NBEA: variants seen among roughly 807,000 people sequenced by gnomAD.
NBEA encodes lysosomal-trafficking regulator 2.
A neutral mutation model predicts 343.4 loss-of-function variants in NBEA; 44 were observed. The observed-to-expected ratio is 0.13, with a 90% CI of 0.10 to 0.16. NBEA has a LOEUF of 0.16. NBEA is among the 10% of genes least tolerant of loss of function. NBEA has a pLI of 1.00. For missense variants in NBEA, 2,555 were observed against 3,631.3 expected (o/e 0.70, Z 7.62); for synonymous variants, 1,175 against 1,238.7 (o/e 0.95, Z 1.08).
At chr13:35,635,943 C>T (rs952916306) in intron 49 of NBEA, among the ~76,000 whole-genome samples, 2 of 152,150 alleles carry the variant, frequency 1.3e-5, no homozygotes, top group South Asian at 2.1e-4. Context: ...CTTCTTTCTT[C>T]GCTTTGTGTT....
intron 46 of NBEA, among the ~76,000 whole-genome samples, chr13:35,587,967 C>G (rs1002869179): frequency 6.6e-6 from 1 of 151,920 alleles, no homozygotes; most frequent in Non-Finnish European, 1.5e-5. Context: ...AAAAAAGAAA[C>G]AGGTAAAATT....
chr13:35,315,308 C>A (rs575093048), intron 36 of NBEA, among the ~76,000 whole-genome samples: 1 of 152,188 alleles, frequency 6.6e-6, no homozygotes, highest in African/African-American at 2.4e-5. Context: ...AGGACAAAAA[C>A]AGTTGATAAA....
chr13:35,032,812 A>T (rs888096504), intron 1 of NBEA, among the ~76,000 whole-genome samples: 3 of 151,768 alleles, frequency 2.0e-5, no homozygotes, highest in African/African-American at 7.2e-5. Context: ...TCTTTTGAGA[A>T]ATTGCTATTT....
chr13:35,534,095 A>T (rs1157252936), intron 41 of NBEA, among the ~76,000 whole-genome samples: 3 of 152,132 alleles, frequency 2.0e-5, no homozygotes, highest in Admixed American at 2.0e-4. Flanking sequence ...TGTTTATGTG[A>T]GTGATAACAA....
chr13:35,208,597 G>A, intron 31 of NBEA, 103 bp from the exon 32 acceptor site: 1 of 1,049,912 alleles, frequency 9.5e-7, no homozygotes, highest in Non-Finnish European at 1.3e-6. Context: ...ATTAAAAGAA[G>A]AGAGGGAGAA....
At chr13:35,300,258 A>T (rs2036450671) in intron 35 of NBEA, among the ~76,000 whole-genome samples, 1 of 152,166 alleles carries the variant, frequency 6.6e-6, no homozygotes, top group Non-Finnish European at 1.5e-5. Flanking sequence ...CGGGATGTGG[A>T]GGTTGCAGTG....
At chr13:35,433,308 A>G (rs1054964831) in intron 39 of NBEA, among the ~76,000 whole-genome samples, 1 of 152,124 alleles carries the variant, frequency 6.6e-6, no homozygotes, top group Non-Finnish European at 1.5e-5. Flanking sequence ...AGGAAATACC[A>G]GTAATGAACA....
chr13:35,180,687 T>C (rs2071252786), intron 28 of NBEA, among the ~76,000 whole-genome samples: 2 of 151,782 alleles, frequency 1.3e-5, no homozygotes, highest in African/African-American at 4.8e-5. Context: ...ATGTTCTATT[T>C]CCATAGGTTT....
At chr13:35,042,982 A>G (rs2062709732) in intron 2 of NBEA, among the ~76,000 whole-genome samples, 1 of 151,810 alleles carries the variant, frequency 6.6e-6, no homozygotes, top group African/African-American at 2.4e-5. Context: ...TAACAAATTG[A>G]TGAGAAAATT....
intron 12 of NBEA, among the ~76,000 whole-genome samples, chr13:35,109,890 C>A (rs1431352668): frequency 6.6e-6 from 1 of 151,420 alleles, no homozygotes; most frequent in Non-Finnish European, 1.5e-5. Flanking sequence ...ACAGAAAATT[C>A]TTATTGTTTT....
chr13:35,248,828 G>A (rs1763842855), intron 34 of NBEA, among the ~76,000 whole-genome samples: 1 of 152,126 alleles, frequency 6.6e-6, no homozygotes, highest in Non-Finnish European at 1.5e-5. Flanking sequence ...ACCCAAAACT[G>A]TAAAACGCTT....
At chr13:35,374,727 A>G (rs561588238) in intron 38 of NBEA, among the ~76,000 whole-genome samples, 16 of 152,190 alleles carry the variant, frequency 1.1e-4, no homozygotes, top group Non-Finnish European at 2.4e-4. Flanking sequence ...TTAAATATAT[A>G]CAGTATTATA....
At chr13:35,060,858 AGGGCTACAGT>A (rs2063443384) in intron 8 of NBEA, among the ~76,000 whole-genome samples, 1 of 151,712 alleles carries the variant, frequency 6.6e-6, no homozygotes, top group Non-Finnish European at 1.5e-5. Flanking sequence ...GAAGGGGTAG[AGGGCTACAGT>A]GGAATTTTTA....
intron 48 of NBEA, among the ~76,000 whole-genome samples, chr13:35,617,625 G>A (rs566056858): frequency 9.8e-5 from 15 of 152,286 alleles, no homozygotes; most frequent in Middle Eastern, 3.4e-3. Context: ...AAGACATCTC[G>A]TGAAATGTGG....
intron 44 of NBEA, among the ~76,000 whole-genome samples, chr13:35,566,152 G>A (rs2080126535): frequency 6.6e-6 from 1 of 152,144 alleles, no homozygotes; most frequent in Non-Finnish European, 1.5e-5. Flanking sequence ...CACAAGGTCA[G>A]GAGTTGGAGA....
intron 48 of NBEA, among the ~76,000 whole-genome samples, chr13:35,610,253 G>T (rs2082446123): frequency 6.6e-6 from 1 of 152,062 alleles, no homozygotes; most frequent in Admixed American, 6.6e-5. Flanking sequence ...TTAGTCAGGT[G>T]TGGTGACACA....
chr13:35,300,838 TTTTC>T (rs1396593179), intron 35 of NBEA, among the ~76,000 whole-genome samples: 1 of 152,158 alleles, frequency 6.6e-6, no homozygotes, highest in Non-Finnish European at 1.5e-5. Context: ...TAGGATACAT[TTTTC>T]TTCTCATTCC....
chr13:35,514,892 A>C (rs1024113925), intron 41 of NBEA, among the ~76,000 whole-genome samples: 2 of 152,108 alleles, frequency 1.3e-5, no homozygotes, highest in African/African-American at 4.8e-5. Context: ...GCATGACAAA[A>C]ACCTGTGTTA....
chr13:35,411,647 TTTGTTG>T (rs145728162), intron 38 of NBEA, among the ~76,000 whole-genome samples: 23 of 148,642 alleles, frequency 1.5e-4, no homozygotes, highest in African/African-American at 4.3e-4. Context: ...TGTTTTTTGT[TTTGTTG>T]TTGTTGTTGT....
Sources: gnomAD v4.1 joint callset for allele counts (sites outside exome capture counted in the v4.1 genomes callset) on GRCh38, gnomAD v4.1.1 for gene constraint, MANE v1.5 for transcripts, NCBI Gene and HGNC (gene_info 2026-07-23, HGNC 2026-07-21) for gene names.